The following MAPK8IP1 variants were observed in gnomAD, a reference collection of about 807,000 sequenced individuals.
MAPK8IP1 encodes the protein mitogen-activated protein kinase 8 interacting protein 1, also known as C-Jun-amino-terminal kinase-interacting protein 1.
MAPK8IP1 carries 17 observed loss-of-function variants against 72.6 expected under a neutral mutation model. The ratio of observed to expected loss-of-function variants is 0.23; its 90% CI spans 0.16 to 0.35. MAPK8IP1 has a LOEUF of 0.35. Among genes scored for constraint, MAPK8IP1 ranks in the 10% least tolerant of loss-of-function variants. The pLI is 1.00. For synonymous variants in MAPK8IP1, 401 were observed against 443.4 expected (o/e 0.90, Z 1.20); for missense variants, 789 against 1,009.7 (o/e 0.78, Z 2.96).
Position 45,885,780 on chromosome 11 carries a change from C to T in MAPK8IP1, c.-41C>T, listed in dbSNP as rs904344936. The T allele has an allele frequency of 1.1e-5, 14 of 1,225,368 alleles. No individual in the cohort carries two copies. In the African/African-American group the frequency reaches 1.8e-4, roughly 15 times the overall value. 75.9% of individuals were successfully genotyped at this position (1,225,368 alleles called of 1,614,324 possible). ...CCTCCTTCGCAGCCGCCGCCTCCTC[C>T]GCGCCGCGCTCCGCCCGGATGGCCA... On this transcript the variant is annotated 5_prime_UTR_variant, in exon 1 of 12. Transcript: ENST00000241014.
rs956986431 is a variant in MAPK8IP1 at position 45,902,423 on chromosome 11, C to A, written c.656C>A (p.Pro219His). Residue 219 changes from proline (P) to histidine (H), a missense_variant, in exon 5 of 12, where the codon CCC becomes CAC. By Grantham distance (77) the Pro-to-His change is moderately conservative. Coordinates refer to ENST00000241014, the MANE Select transcript of MAPK8IP1 (RefSeq NM_005456.4). The surrounding 1 kb of genome is among the most constrained non-coding windows in gnomAD (Gnocchi z 9.3). The part of the protein sequence containing the change: ...EHICLSDELP[P>H]QSGPAPTTDR... ...ATCTGCCTGAGCGATGAGCTGCCCC[C>A]CCAGAGCGGCCCCGCCCCCACCACA... is the stretch of plus-strand genomic sequence containing the variant. 3 of 1,585,368 alleles carry A rather than the reference C, an allele frequency of 1.9e-6. No homozygotes were observed. The highest frequency in any genetic ancestry group is 2.6e-6 in the Non-Finnish European group (3 of 1,167,044).
At position 45,904,673 on chromosome 11, in the gene MAPK8IP1, A is replaced by G. The variant is rs200110741; in HGVS notation, c.1777-45A>G. The G allele has an allele frequency of 1.3e-4, 207 of 1,603,558 alleles. 1 individual carries two copies. The highest frequency in any genetic ancestry group is 5.6e-5 in the Non-Finnish European group (65 of 1,170,978). The stretch of plus-strand genomic sequence containing the variant: ...AGGCCCTGGGACAGGAGGGATCAGC[A>G]GAGGAACAGACAGCAGCTGACGTGG... On this transcript the variant is annotated intron_variant, in intron 8 of 11. Coordinates refer to ENST00000241014, the MANE Select transcript of MAPK8IP1 (RefSeq NM_005456.4). The surrounding 1 kb of genome is among the most constrained non-coding windows in gnomAD (Gnocchi z 6.4).
intron 1 of MAPK8IP1, among the ~76,000 whole-genome samples, chr11:45,893,518 A>G (rs2086581717): frequency 6.6e-6 from 1 of 152,154 alleles, no homozygotes; most frequent in Admixed American, 6.5e-5. Context: ...GTCTCCAGAG[A>G]CCAAACTCAC....
At chr11:45,901,678 C>G (rs935587510) in intron 3 of MAPK8IP1, among the ~76,000 whole-genome samples, 3 of 152,188 alleles carry the variant, frequency 2.0e-5, no homozygotes, top group East Asian at 3.9e-4. Context: ...CCTCCTCCCC[C>G]TCTTGCCACC....
Position 45,904,972 on chromosome 11 carries a change from G to A in MAPK8IP1, c.1895G>A (p.Gly632Glu), listed in dbSNP as rs1270544013. ...VKADDSQEAK[G>E]NKCSHFFQLK... is the part of the protein sequence containing the mutation. ...TTGCTTCTTTTCTCCCTCCTGTAGG[G>A]GAATAAATGTAGCCACTTTTTCCAG... Residue 632 changes from glycine (G) to glutamate (E), a missense_variant and splice_region_variant, in exon 10 of 12, where the codon GGG becomes GAG. This residue lies in a region of MAPK8IP1 where 188 missense variants were observed against 293.3 expected (regional missense o/e 0.64). Coordinates refer to ENST00000241014, the MANE Select transcript of MAPK8IP1 (RefSeq NM_005456.4). The surrounding 1 kb of genome is among the most constrained non-coding windows in gnomAD (Gnocchi z 6.4). 2 of 1,614,010 alleles carry A rather than the reference G, an allele frequency of 1.2e-6. No homozygotes were observed. Among genetic ancestry groups the A allele is most frequent in the East Asian group, 2.2e-5 (1 of 44,892 alleles).
In MAPK8IP1 at chr11:45,904,659, C is replaced by G. The variant is rs1160674579; in HGVS notation, c.1777-59C>G. On this transcript the variant is annotated intron_variant, in intron 8 of 11. Transcript: ENST00000241014. This position sits in a 1 kb window ranked among gnomAD's most constrained non-coding sequence, Gnocchi z 6.4. The stretch of plus-strand genomic sequence containing the variant: ...GCAGTAAAGGGCTCAGGCCCTGGGA[C>G]AGGAGGGATCAGCAGAGGAACAGAC... The G allele has an allele frequency of 6.3e-7, 1 of 1,599,706 alleles. No homozygotes were observed. The highest frequency in any genetic ancestry group is 8.6e-7 in the Non-Finnish European group (1 of 1,167,334).
intron 11 of MAPK8IP1, 151 bp from the exon 12 acceptor site, chr11:45,905,498 A>G (rs1379924570): frequency 2.5e-6 from 2 of 809,750 alleles, no homozygotes; most frequent in South Asian, 1.3e-5. Flanking sequence ...CGCGATGGCA[A>G]TTCTGTAGAG....
intron 1 of MAPK8IP1, 115 bp downstream of exon 1, chr11:45,886,036 T>A: frequency 1.7e-6 from 1 of 588,456 alleles, no homozygotes; most frequent in Non-Finnish European, 2.6e-6. Context: ...AAGGGCTGCG[T>A]GGGAGTGGGG....
Position 45,902,500 on chromosome 11 carries a change from A to G in MAPK8IP1, c.733A>G (p.Met245Val), listed in dbSNP as rs2134676194. The change falls in exon 5 of 12, where the codon ATG becomes GTG. Residue 245 changes from methionine (M) to valine (V), a missense_variant. By Grantham distance (21) the Met-to-Val change is conservative. Around this residue, in one of 4 missense-constraint regions of MAPK8IP1, gnomAD observed 377 missense variants for 411.7 expected, o/e 0.92. Coordinates refer to ENST00000241014, the MANE Select transcript of MAPK8IP1 (RefSeq NM_005456.4). This position sits in a 1 kb window ranked among gnomAD's most constrained non-coding sequence, Gnocchi z 9.3. The stretch of plus-strand genomic sequence containing the variant: ...TTGCCGCCGCAGCACAGCCACCCAG[A>G]TGGCACCTCCGGGTGGTCCCCCTGC... Reference protein sequence around the residue: ...SPCRRSTATQMAPPGGPPAAP... With the variant: ...SPCRRSTATQVAPPGGPPAAP... 2 of 1,608,342 alleles carry G rather than the reference A, an allele frequency of 1.2e-6. No homozygotes were observed. The highest frequency in any genetic ancestry group is 1.3e-5 in the African/African-American group (1 of 74,734).
At position 45,892,443 on chromosome 11, in the gene MAPK8IP1, G is replaced by T. The variant is rs78014668; in HGVS notation, c.102-5642G>T. Reference sequence around the variant, plus strand: ...GGCACCACACATGTTGATCAAAACAGATATGATCCCACCCATATGGATTAA... The same window carrying T: ...GGCACCACACATGTTGATCAAAACATATATGATCCCACCCATATGGATTAA... On this transcript the variant is annotated intron_variant, in intron 1 of 11. Transcript: ENST00000241014. 3.3e-5 allele frequency among the ~76,000 whole-genome samples: 5 copies of T among 152,304 alleles called. No individual in the cohort carries two copies. In the East Asian group the frequency reaches 9.6e-4, roughly 29 times the overall value.
At position 45,902,568 on chromosome 11, in the gene MAPK8IP1, C is replaced by A. The variant is rs1186502289; in HGVS notation, c.801C>A (p.Ile267=). Residue 267 remains isoleucine, a synonymous_variant, in exon 5 of 12, where the codon ATC becomes ATA. Coordinates refer to ENST00000241014, the MANE Select transcript of MAPK8IP1 (RefSeq NM_005456.4). The surrounding 1 kb of genome is among the most constrained non-coding windows in gnomAD (Gnocchi z 9.3). ...GGGGCCACTCGCATCGAGACCGAAT[C>A]CACTACCAGGCCGATGTGCGACTAG... ...GGRGHSHRDR[I]HYQADVRLEA... 1 of 1,612,768 alleles carries A rather than the reference C, an allele frequency of 6.2e-7. No homozygotes were observed. Among genetic ancestry groups the A allele is most frequent in the Admixed American group, 1.7e-5 (1 of 60,002 alleles).
chr11:45,893,414 A>G (rs2086581068), intron 1 of MAPK8IP1, among the ~76,000 whole-genome samples: 1 of 152,162 alleles, frequency 6.6e-6, no homozygotes, highest in African/African-American at 2.4e-5. Flanking sequence ...GAGAACAGTG[A>G]GGAGCTGGCA....
Position 45,904,192 on chromosome 11 carries a change from GCCA to G in MAPK8IP1, c.1666+36_1666+38del. On this transcript the variant is annotated intron_variant, in intron 7 of 11. Coordinates refer to ENST00000241014, the MANE Select transcript of MAPK8IP1 (RefSeq NM_005456.4). This position sits in a 1 kb window ranked among gnomAD's most constrained non-coding sequence, Gnocchi z 6.4. Reference sequence around the variant, plus strand: ...GTTCCCTCCCTGGCCTGTGCCCCCAGCCACCACATCTGTCTGCCCCAACTTGCT... The same window carrying G: ...GTTCCCTCCCTGGCCTGTGCCCCCAGCCACATCTGTCTGCCCCAACTTGCT... 6.2e-7 allele frequency: 1 copy of G among 1,606,090 alleles called. No homozygotes were observed. Among genetic ancestry groups the G allele is most frequent in the Non-Finnish European group, 8.5e-7 (1 of 1,176,074 alleles).
At position 45,902,596 on chromosome 11, in the gene MAPK8IP1, G is replaced by A. The variant is rs762195551; in HGVS notation, c.829G>A (p.Ala277Thr). 10 of 1,612,748 alleles carry A rather than the reference G, an allele frequency of 6.2e-6. No individual in the cohort carries two copies. The East Asian group carries it at 1.6e-4, about 25-fold the overall frequency. ...CTACCAGGCCGATGTGCGACTAGAG[G>A]CCACTGAGGAGATCTACCTGACCCC... ...IHYQADVRLE[A>T]TEEIYLTPVQ... is the part of the protein sequence containing the mutation. Residue 277 changes from alanine (A) to threonine (T), a missense_variant, in exon 5 of 12, where the codon GCC becomes ACC. By Grantham distance (58) the Ala-to-Thr change is moderately conservative. Transcript: ENST00000241014. This position sits in a 1 kb window ranked among gnomAD's most constrained non-coding sequence, Gnocchi z 9.3.
In MAPK8IP1 at chr11:45,904,050, C is replaced by T; in HGVS notation, c.1555C>T (p.Leu519Phe). 6.2e-7 allele frequency: 1 copy of T among 1,614,090 alleles called. No homozygotes were observed. Among genetic ancestry groups the T allele is most frequent in the Non-Finnish European group, 8.5e-7 (1 of 1,180,008 alleles). Reference sequence around the variant, plus strand: ...AGTGGATGACCCTCTGCTAGTGGAGCTCCAGGCTGAAGACTACTGGTACGA... The same window carrying T: ...AGTGGATGACCCTCTGCTAGTGGAGTTCCAGGCTGAAGACTACTGGTACGA... ...LEVDDPLLVE[L>F]QAEDYWYEAY... Residue 519 changes from leucine (L) to phenylalanine (F), a missense_variant, in exon 7 of 12, where the codon CTC (leucine) becomes TTC (phenylalanine). Physicochemically the swap from Leu to Phe is conservative, Grantham distance 22. Transcript: ENST00000241014. This position sits in a 1 kb window ranked among gnomAD's most constrained non-coding sequence, Gnocchi z 6.4.
In MAPK8IP1 at chr11:45,903,371, A is replaced by G; in HGVS notation, c.1424A>G (p.Glu475Gly). The change falls in exon 6 of 12, where the codon GAG (glutamate) becomes GGG (glycine). Residue 475 changes from glutamate (E) to glycine (G), a missense_variant. This residue lies in a region of MAPK8IP1 where 377 missense variants were observed against 411.7 expected (regional missense o/e 0.92). Transcript: ENST00000241014. The surrounding 1 kb of genome is among the most constrained non-coding windows in gnomAD (Gnocchi z 6.4). ...CACACCACCTCACCTGCAGGTGCTG[A>G]GTCCTTCGGGCTGTTCTCCTGCATC... ...MSGRSRSSSA[E>G]SFGLFSCIIN... 6.2e-7 allele frequency: 1 copy of G among 1,613,752 alleles called. No homozygotes were observed. Among genetic ancestry groups the G allele is most frequent in the Non-Finnish European group, 8.5e-7 (1 of 1,179,984 alleles).
chr11:45,900,854 A>G lies in MAPK8IP1; in HGVS notation c.522+402A>G, dbSNP rs1388429681. ...AGGAGCAGGGCCTGGAGAAAAGGGCATCTGAAATGGTCATCGTGGGGGAGG... is the reference window on the plus strand; with the variant it reads ...AGGAGCAGGGCCTGGAGAAAAGGGCGTCTGAAATGGTCATCGTGGGGGAGG... On this transcript the variant is annotated intron_variant, in intron 3 of 11. Transcript: ENST00000241014. This position sits in a 1 kb window ranked among gnomAD's most constrained non-coding sequence, Gnocchi z 6.5. Among the ~76,000 whole-genome samples, 3 of 152,086 alleles carry G rather than the reference A, an allele frequency of 2.0e-5. No individual in the cohort carries two copies. The highest frequency in any genetic ancestry group is 2.9e-5 in the Non-Finnish European group (2 of 68,006).
At chr11:45,888,393 GTTA>G (rs1265685076) in intron 1 of MAPK8IP1, among the ~76,000 whole-genome samples, 1 of 152,200 alleles carries the variant, frequency 6.6e-6, no homozygotes, top group East Asian at 1.9e-4. Context: ...ACAGAGCGTT[GTTA>G]TTATCCACAC....
chr11:45,904,451 C>G lies in MAPK8IP1; in HGVS notation c.1667-4C>G, dbSNP rs927381745. On this transcript the variant is annotated splice_region_variant and splice_polypyrimidine_tract_variant and intron_variant, in intron 7 of 11. Transcript: ENST00000241014. This position sits in a 1 kb window ranked among gnomAD's most constrained non-coding sequence, Gnocchi z 6.4. ...CCCCTCCTCAATTCACGCTTGCTTT[C>G]CAGCCCTGGCCAAAAACAGTGACTG... The G allele has an allele frequency of 3.3e-5, 53 of 1,613,090 alleles. No homozygotes were observed. The highest frequency in any genetic ancestry group is 4.3e-5 in the Non-Finnish European group (51 of 1,179,276).
Sources: gnomAD v4.1 joint callset for allele counts (sites outside exome capture counted in the v4.1 genomes callset) on GRCh38, gnomAD v4.1.1 for gene constraint, gnomAD v4.1.1 regional missense constraint, Gnocchi (gnomAD v3.1) non-coding constraint, MANE v1.5 for transcripts, NCBI Gene and HGNC (gene_info 2026-07-23, HGNC 2026-07-21) for gene names.